The following CTC1 variants were observed in gnomAD, a reference collection of about 807,000 sequenced individuals.
CTC1 encodes the protein CST complex subunit CTC1.
Under a neutral mutation model 136.3 loss-of-function variants are expected in CTC1, and 91 were observed. The ratio of observed to expected loss-of-function variants is 0.67; its 90% CI spans 0.56 to 0.79. CTC1 has a LOEUF of 0.79. Among genes scored for constraint, CTC1 ranks in the 30% least tolerant of loss-of-function variants. CTC1 has a pLI of 0.00. For synonymous variants in CTC1, 606 were observed against 613.8 expected, an observed-to-expected ratio of 0.99 and a Z score of 0.19; for missense variants, 1,432 against 1,498.1, an observed-to-expected ratio of 0.96 and a Z score of 0.73.
chr17:8,228,926 A>G, intron 20 of CTC1, 34 bp from the exon 21 acceptor site: 1 of 1,583,902 alleles, frequency 6.3e-7, no homozygotes, highest in Non-Finnish European at 8.6e-7. Flanking sequence ...AAACGCCTAT[A>G]GCAACCCAGG....
intron 15 of CTC1, chr17:8,230,963 CCT>C: frequency 2.1e-6 from 1 of 474,084 alleles, no homozygotes; most frequent in Non-Finnish European, 3.8e-6. Context: ...ATGACGAAAC[CCT>C]GTCTCTACTA....
chr17:8,229,669 T>TTAAG (rs1367643867), intron 18 of CTC1, among the ~76,000 whole-genome samples: 1 of 152,236 alleles, frequency 6.6e-6, no homozygotes, highest in African/African-American at 2.4e-5. Flanking sequence ...TATTTGCATG[T>TTAAG]TAAGACTGAA....
rs1987529181 is a variant in CTC1, at chr17:8,234,570, T to TA, written c.1702_1703insT (p.Asp568ValfsTer3). 3 of 1,600,046 alleles carry TA rather than the reference T, an allele frequency of 1.9e-6. No individual in the cohort carries two copies. Among genetic ancestry groups the TA allele is most frequent in the Non-Finnish European group, 2.6e-6 (3 of 1,173,146 alleles). On this transcript the variant is annotated frameshift_variant, in exon 10 of 23. Coordinates refer to ENST00000651323, the MANE Select transcript of CTC1 (RefSeq NM_025099.6). LOFTEE classifies it high-confidence loss of function. Reference sequence around the variant, plus strand: ...CGGGAGGGGCAGAAGGGCCTTAGGGTCAAAGGAGGCCCAGGCCTTACGCTG... The same window carrying TA: ...CGGGAGGGGCAGAAGGGCCTTAGGGTACAAAGGAGGCCCAGGCCTTACGCTG...
At position 8,239,023 on chromosome 17, in the gene CTC1, T is replaced by G. The variant is rs552695724; in HGVS notation, c.198-394A>C. ...AGAAGAATTGCTTGAACCCAGGAGA[T>G]GGAGGTTGCAGTGAGCTGAGATCAC... On this transcript the variant is annotated intron_variant, in intron 2 of 22. Coordinates refer to ENST00000651323, the MANE Select transcript of CTC1 (RefSeq NM_025099.6). 6.5e-5 allele frequency among the ~76,000 whole-genome samples: 9 copies of G among 139,072 alleles called. No individual in the cohort carries two copies. The South Asian group carries it at 8.6e-4, about 13-fold the overall frequency. 91.2% of individuals were successfully genotyped at this position (139,072 alleles called of 152,430 possible).
Position 8,230,457 on chromosome 17 carries a change from C to G in CTC1, c.2770G>C (p.Ala924Pro), listed in dbSNP as rs376358881. The change falls in exon 17 of 23, where the codon GCC becomes CCC. Residue 924 changes from alanine to proline, a missense_variant. Physicochemically the swap from Ala to Pro is conservative, Grantham distance 27. Coordinates refer to ENST00000651323, the MANE Select transcript of CTC1 (RefSeq NM_025099.6). ...SLWMKLGNTG[A>P]MRRCVKLTVA... ...GTTAGCTTCACACACCTTCTCATGG[C>G]CCCCGTGTTCCCTATAGAAGGAAGG... 1 of 1,613,526 alleles carries G rather than the reference C, an allele frequency of 6.2e-7. No individual in the cohort carries two copies. The highest frequency in any genetic ancestry group is 8.5e-7 in the Non-Finnish European group (1 of 1,179,736).
At chr17:8,243,700 A>G (rs147347801) in intron 1 of CTC1, among the ~76,000 whole-genome samples, 7 of 152,168 alleles carry the variant, frequency 4.6e-5, no homozygotes, top group Admixed American at 4.6e-4. Flanking sequence ...TCTTACATGG[A>G]ATCTGGTTCT....
Position 8,230,328 on chromosome 17 carries a change from C to G in CTC1, c.2899G>C (p.Val967Leu). Residue 967 changes from valine to leucine, a missense_variant, in exon 17 of 23, where the codon GTC becomes CTC. Val to Leu is a conservative substitution (Grantham distance 32). Coordinates refer to ENST00000651323, the MANE Select transcript of CTC1 (RefSeq NM_025099.6). ...PSLGLLPGAR[V>L]HFSQLEKRVS... is the part of the protein sequence containing the mutation. The stretch of plus-strand genomic sequence containing the variant: ...CTTTTCTCCAACTGGCTGAAGTGGA[C>G]CCGGGCTCCTGGAAGTAGTCCTAGT... 1 of 1,613,674 alleles carries G rather than the reference C, an allele frequency of 6.2e-7. No homozygotes were observed. The highest frequency in any genetic ancestry group is 8.5e-7 in the Non-Finnish European group (1 of 1,179,908).
At chr17:8,229,829 G>T in intron 18 of CTC1, 62 bp downstream of exon 18, 3 of 1,362,270 alleles carry the variant, frequency 2.2e-6, no homozygotes, top group South Asian at 1.2e-5. Context: ...TCAGAACCAG[G>T]GACATGTGGG....
chr17:8,234,351 A>G, intron 10 of CTC1, 104 bp downstream of exon 10: 1 of 1,086,220 alleles, frequency 9.2e-7, no homozygotes, highest in Non-Finnish European at 1.4e-6. Flanking sequence ...TTAGAAGGCT[A>G]GTGTAGTCAA....
intron 18 of CTC1, 125 bp downstream of exon 18, chr17:8,229,766 T>C: frequency 1.3e-6 from 1 of 772,654 alleles, no homozygotes; most frequent in Non-Finnish European, 2.2e-6. Context: ...GAAGCTCCTC[T>C]GACTCAACAC....
Position 8,234,673 on chromosome 17 carries a change from G to A in CTC1, c.1618-18C>T. 1.3e-6 allele frequency: 2 copies of A among 1,596,316 alleles called. No individual in the cohort carries two copies. The highest frequency in any genetic ancestry group is 1.7e-6 in the Non-Finnish European group (2 of 1,169,254). On this transcript the variant is annotated intron_variant, in intron 9 of 22. Coordinates refer to ENST00000651323, the MANE Select transcript of CTC1 (RefSeq NM_025099.6). The stretch of plus-strand genomic sequence containing the variant: ...CGAGTGTACTGTCAAGGAGGGAAGA[G>A]AAATCGGGTGTGTGTCCCATGGGCC...
At chr17:8,233,624 C>T (rs1173857052) in intron 10 of CTC1, among the ~76,000 whole-genome samples, 2 of 152,120 alleles carry the variant, frequency 1.3e-5, no homozygotes, top group South Asian at 2.1e-4. Context: ...CAAAAATTAG[C>T]TGGATGTGGT....
In CTC1 at chr17:8,228,205, A is replaced by G; in HGVS notation, c.3629T>C (p.Leu1210Pro). 1.2e-6 allele frequency: 2 copies of G among 1,614,072 alleles called. No individual in the cohort carries two copies. Among genetic ancestry groups the G allele is most frequent in the Non-Finnish European group, 1.7e-6 (2 of 1,179,968 alleles). Residue 1210 changes from leucine to proline, a missense_variant, in exon 23 of 23, where the codon CTG becomes CCG. Leu to Pro is a moderately conservative substitution (Grantham distance 98). Coordinates refer to ENST00000651323, the MANE Select transcript of CTC1 (RefSeq NM_025099.6). ...SIRESEYSSSLGILASSC is the reference protein window; with the variant it reads ...SIRESEYSSSPGILASSC ...TTAACAGGAGGAAGCAAGGATCCCCAGAGAGCTGGAGTACTCTGACTCTCG... is the reference window on the plus strand; with the variant it reads ...TTAACAGGAGGAAGCAAGGATCCCCGGAGAGCTGGAGTACTCTGACTCTCG...
At chr17:8,231,697 G>A (rs371620451) in intron 14 of CTC1, 29 bp downstream of exon 14, 263 of 1,603,888 alleles carry the variant, frequency 1.6e-4, no homozygotes, top group Non-Finnish European at 2.1e-4. Flanking sequence ...AGCTTTCTGG[G>A]GAAAGGTATG....
At position 8,231,320 on chromosome 17, in the gene CTC1, G is replaced by A; in HGVS notation, c.2625C>T (p.Asn875=). The A allele has an allele frequency of 6.2e-7, 1 of 1,602,526 alleles. No homozygotes were observed. The highest frequency in any genetic ancestry group is 8.5e-7 in the Non-Finnish European group (1 of 1,171,186). Residue 875 remains asparagine, a synonymous_variant, in exon 15 of 23, where the codon AAC becomes AAT. Coordinates refer to ENST00000651323, the MANE Select transcript of CTC1 (RefSeq NM_025099.6). ...TCAGTGAGGATTCAGGCAATGACTT[G>A]TTTGCATCCAGCACATCTTGGATAT... ...SQDIQDVLDA[N]KSLPESSLTD... is the part of the protein sequence containing the mutation.
At chr17:8,245,941 T>C (rs60683461) in intron 1 of CTC1, among the ~76,000 whole-genome samples, 2,949 of 124,472 alleles carry the variant, frequency 0.024, 141 homozygotes, top group African/African-American at 0.083. Context: ...TGGTAGCACA[T>C]GCCAGTAGTC....
Position 8,228,043 on chromosome 17 carries a change from A to C in CTC1, c.*137T>G. On this transcript the variant is annotated 3_prime_UTR_variant, in exon 23 of 23. Transcript: ENST00000651323. ...CAGGCTGGCACCAGAACACCAAAGAAGGGAAATTATAGTGGAGTAGCAGTT... is the reference window on the plus strand; with the variant it reads ...CAGGCTGGCACCAGAACACCAAAGACGGGAAATTATAGTGGAGTAGCAGTT... 1 of 892,490 alleles carries C rather than the reference A, an allele frequency of 1.1e-6. No homozygotes were observed. The highest frequency in any genetic ancestry group is 1.7e-6 in the Non-Finnish European group (1 of 588,376). 55.3% of individuals were successfully genotyped at this position (892,490 alleles called of 1,614,324 possible).
At chr17:8,240,401 G>A (rs1485205141) in intron 2 of CTC1, among the ~76,000 whole-genome samples, 4 of 150,496 alleles carry the variant, frequency 2.7e-5, no homozygotes, top group Non-Finnish European at 2.9e-5. Context: ...TGATCCACCC[G>A]TCTCAGCCTC....
Position 8,242,881 on chromosome 17 carries a change from C to T in CTC1, c.197+104G>A, listed in dbSNP as rs566526270. The T allele has an allele frequency of 1.2e-4, 126 of 1,013,770 alleles. No individual in the cohort carries two copies. In the South Asian group the frequency reaches 2.1e-3, roughly 17 times the overall value. 62.8% of individuals were successfully genotyped at this position (1,013,770 alleles called of 1,614,324 possible). On this transcript the variant is annotated intron_variant, in intron 2 of 22. Transcript: ENST00000651323. ...TATGTTTAGACTACCTTGTCCTCCG[C>T]TCACTCTCTCACTTGCCCTTTTTCT...
Sources: gnomAD v4.1 joint callset for allele counts (sites outside exome capture counted in the v4.1 genomes callset) on GRCh38, gnomAD v4.1.1 for gene constraint, MANE v1.5 for transcripts, NCBI Gene and HGNC (gene_info 2026-07-23, HGNC 2026-07-21) for gene names.